The following CAVIN1 variants were observed in gnomAD, a reference collection of about 807,000 sequenced individuals.
CAVIN1 encodes caveolae-associated protein 1.
Under a neutral mutation model 24.0 loss-of-function variants are expected in CAVIN1, and 16 were observed. The observed-to-expected ratio is 0.67, with a 90% CI of 0.45 to 1.01. CAVIN1 has a LOEUF of 1.01. Ranked by LOEUF, CAVIN1 falls within the 50% of genes least tolerant of loss-of-function variation. CAVIN1 has a pLI of 0.00. For synonymous variants in CAVIN1, 256 were observed against 256.4 expected, an observed-to-expected ratio of 1.00 and a Z score of 0.02; for missense variants, 510 against 551.7, an observed-to-expected ratio of 0.92 and a Z score of 0.76.
intron 1 of CAVIN1, among the ~76,000 whole-genome samples, chr17:42,419,305 G>GTTATTATTATTATTA (rs143185919): frequency 6.7e-6 from 1 of 150,096 alleles, no homozygotes; most frequent in Admixed American, 6.6e-5. Context: ...ATTTATTGTT[G>GTTATTATTATTATTA]TTATTATTAT....
chr17:42,410,695 C>T lies in CAVIN1; in HGVS notation c.472-5307G>A, dbSNP rs182364485. Among the ~76,000 whole-genome samples, 96 of 151,812 alleles carry T rather than the reference C, an allele frequency of 6.3e-4. No homozygotes were observed. The Middle Eastern group carries it at 0.01, about 16-fold the overall frequency. On this transcript the variant is annotated intron_variant, in intron 1 of 1. Coordinates refer to ENST00000357037, the MANE Select transcript of CAVIN1 (RefSeq NM_012232.6). ...TTGGGAGGCCGAGGTGGGCAGATTA[C>T]GAGGTCAGGAGATCGAGACCATTCT...
Position 42,404,633 on chromosome 17 carries a change from G to C in CAVIN1, c.*54C>G. On this transcript the variant is annotated 3_prime_UTR_variant, in exon 2 of 2. Transcript: ENST00000357037. ...GCCAGCTCGAGCCGAGAGAGAATGC[G>C]AAAGAGGAAGTTCGGAAGGAGCGAG... 1 of 1,231,578 alleles carries C rather than the reference G, an allele frequency of 8.1e-7. No individual in the cohort carries two copies. The highest frequency in any genetic ancestry group is 2.7e-4 in the Middle Eastern group (1 of 3,648). 76.3% of individuals were successfully genotyped at this position (1,231,578 alleles called of 1,614,324 possible). A position where few individuals can be genotyped will look rare whatever the true frequency, so the allele number is the denominator to read the frequency against.
intron 1 of CAVIN1, among the ~76,000 whole-genome samples, chr17:42,417,792 G>A (rs572567494): frequency 6.6e-6 from 1 of 152,014 alleles, no homozygotes; most frequent in Non-Finnish European, 1.5e-5. Context: ...CCAAGTAGCT[G>A]GGATTACAGG....
chr17:42,421,180 A>T (rs2085542780), intron 1 of CAVIN1, among the ~76,000 whole-genome samples: 1 of 152,068 alleles, frequency 6.6e-6, no homozygotes, highest in South Asian at 2.1e-4. Context: ...CTGTCCCACC[A>T]CCTCAGATAG....
Position 42,404,988 on chromosome 17 carries a change from T to C in CAVIN1, c.872A>G (p.Lys291Arg). Residue 291 changes from lysine to arginine, a missense_variant, in exon 2 of 2, where the codon AAG (lysine) becomes AGG (arginine). Transcript: ENST00000357037. ...TTTGCGCAACTTGTCCCGCGACGTC[T>C]TCAGTTTCTCGCGCCGCTCGGCGGG... ...LVPAERREKL[K>R]TSRDKLRKSF... 1 of 1,614,140 alleles carries C rather than the reference T, an allele frequency of 6.2e-7. No individual in the cohort carries two copies. Among genetic ancestry groups the C allele is most frequent in the Non-Finnish European group, 8.5e-7 (1 of 1,180,010 alleles).
At position 42,423,125 on chromosome 17, in the gene CAVIN1, C is replaced by G; in HGVS notation, c.-28G>C. On this transcript the variant is annotated 5_prime_UTR_variant, in exon 1 of 2. Transcript: ENST00000357037. ...CTACCCGGAGCCGTGCGGGACCGGC[C>G]GGGTGGGGCTGGAGCTGGAGCGGGA... 1 of 1,500,328 alleles carries G rather than the reference C, an allele frequency of 6.7e-7. No individual in the cohort carries two copies. The highest frequency in any genetic ancestry group is 9.0e-7 in the Non-Finnish European group (1 of 1,115,274). The allele number at this position is 1,500,328 out of a possible 1,614,324, so 92.9% of individuals were successfully genotyped here. A position where few individuals can be genotyped will look rare whatever the true frequency, so the allele number is the denominator to read the frequency against.
intron 1 of CAVIN1, among the ~76,000 whole-genome samples, chr17:42,418,182 T>A (rs2085523442): frequency 6.6e-6 from 1 of 152,094 alleles, no homozygotes; most frequent in East Asian, 1.9e-4. Flanking sequence ...TAACACTGCA[T>A]TTCTCTGAAC....
Position 42,422,886 on chromosome 17 carries a change from G to C in CAVIN1, c.212C>G (p.Thr71Ser). ...CTGCCGCTCCTCCAGCTGTGCTTGA[G>C]TCAGCTGGATCTGGTCTACGGCCCC... is the stretch of plus-strand genomic sequence containing the variant. The part of the protein sequence containing the change: ...IIGAVDQIQL[T>S]QAQLEERQAE... Residue 71 changes from threonine (T) to serine (S), a missense_variant, in exon 1 of 2, where the codon ACT becomes AGT. Coordinates refer to ENST00000357037, the MANE Select transcript of CAVIN1 (RefSeq NM_012232.6). 6.2e-7 allele frequency: 1 copy of C among 1,614,134 alleles called. No homozygotes were observed. The highest frequency in any genetic ancestry group is 8.5e-7 in the Non-Finnish European group (1 of 1,180,030).
intron 1 of CAVIN1, among the ~76,000 whole-genome samples, chr17:42,408,430 T>C (rs1246452849): frequency 6.6e-6 from 1 of 152,146 alleles, no homozygotes; most frequent in East Asian, 1.9e-4. Context: ...TAGTGCCTCA[T>C]GAAAGGTCTC....
At chr17:42,409,069 G>A (rs1217488417) in intron 1 of CAVIN1, among the ~76,000 whole-genome samples, 2 of 150,364 alleles carry the variant, frequency 1.3e-5, no homozygotes, top group African/African-American at 2.5e-5. Flanking sequence ...TGGGATTACA[G>A]GCACGAGCCA....
intron 1 of CAVIN1, 71 bp from the exon 2 acceptor site, chr17:42,405,459 G>T: frequency 6.6e-7 from 1 of 1,520,720 alleles, no homozygotes; most frequent in Non-Finnish European, 9.0e-7. Flanking sequence ...AGTCAGGGTG[G>T]TGACGATCCT....
chr17:42,415,113 C>T (rs573680365), intron 1 of CAVIN1, among the ~76,000 whole-genome samples: 5 of 152,244 alleles, frequency 3.3e-5, no homozygotes, highest in African/African-American at 1.2e-4. Context: ...CCCATACACA[C>T]GCAAAGCAGC....
chr17:42,419,558 G>A (rs2085532829), intron 1 of CAVIN1, among the ~76,000 whole-genome samples: 1 of 152,076 alleles, frequency 6.6e-6, no homozygotes, highest in African/African-American at 2.4e-5. Flanking sequence ...TGATCCACCT[G>A]CCTCAGCCTC....
Position 42,402,726 on chromosome 17 carries a change from C to T in CAVIN1, c.*1961G>A, listed in dbSNP as rs958297001. 1.3e-5 allele frequency: 2 copies of T among 151,880 alleles called. No individual in the cohort carries two copies. Among genetic ancestry groups the T allele is most frequent in the African/African-American group, 4.8e-5 (2 of 41,318 alleles). 9.4% of individuals were successfully genotyped at this position (151,880 alleles called of 1,614,324 possible). On this transcript the variant is annotated 3_prime_UTR_variant, in exon 2 of 2. Transcript: ENST00000357037. ...AAAGGTTTGTGTCCCCAGGCTCCCT[C>T]CCCCAATCCCTTAAAACAATGAACT...
chr17:42,411,835 G>T, intron 1 of CAVIN1: 2 of 985,320 alleles, frequency 2.0e-6, no homozygotes, highest in Non-Finnish European at 2.4e-6. Context: ...GAAGTGGGGA[G>T]GCCCCTTCCA....
At chr17:42,420,642 TA>T (rs2085539464) in intron 1 of CAVIN1, among the ~76,000 whole-genome samples, 1 of 152,154 alleles carries the variant, frequency 6.6e-6, no homozygotes, top group Non-Finnish European at 1.5e-5. Context: ...TCCCACCCCC[TA>T]AAATATAGAC....
intron 1 of CAVIN1, among the ~76,000 whole-genome samples, chr17:42,408,118 C>T (rs9896896): frequency 0.025 from 3,776 of 152,192 alleles, 133 homozygotes; most frequent in African/African-American, 0.085. Flanking sequence ...GAGAGAGCCC[C>T]TCCTTTCACT....
chr17:42,406,579 G>A (rs2085447918), intron 1 of CAVIN1, among the ~76,000 whole-genome samples: 1 of 152,052 alleles, frequency 6.6e-6, no homozygotes, highest in African/African-American at 2.4e-5. Context: ...GTTTCACCAT[G>A]TTGGTCAGAT....
At chr17:42,411,207 A>AAAAAAC (rs758609413) in intron 1 of CAVIN1, among the ~76,000 whole-genome samples, 1 of 127,618 alleles carries the variant, frequency 7.8e-6, no homozygotes, top group Non-Finnish European at 1.7e-5. Flanking sequence ...AAAAAAAAAA[A>AAAAAAC]AACTAAAAGG....
Sources: allele counts gnomAD v4.1 joint callset (sites outside exome capture counted in the v4.1 genomes callset), GRCh38; gene constraint gnomAD v4.1.1; transcripts MANE v1.5; gene names NCBI Gene and HGNC (gene_info 2026-07-23, HGNC 2026-07-21).